The following SND1 variants were observed in gnomAD, a reference collection of about 807,000 sequenced individuals.
SND1 encodes staphylococcal nuclease and tudor domain containing 1.
A neutral mutation model predicts 121.7 loss-of-function variants in SND1; 38 were observed. The observed-to-expected ratio is 0.31, with a 90% CI of 0.24 to 0.41. SND1 has a LOEUF of 0.41. Ranked by LOEUF, SND1 falls within the 10% of genes least tolerant of loss-of-function variation. The probability of loss-of-function intolerance (pLI) is 1.00; values close to 1 mark genes in which losing one functional copy is unlikely to be tolerated. For synonymous variants in SND1, 401 were observed against 447.4 expected, an observed-to-expected ratio of 0.90 and a Z score of 1.31; for missense variants, 868 against 1,184.6, an observed-to-expected ratio of 0.73 and a Z score of 3.92.
chr7:127,775,971 T>C (rs936843290), intron 10 of SND1, among the ~76,000 whole-genome samples: 2 of 152,224 alleles, frequency 1.3e-5, no homozygotes, highest in Non-Finnish European at 2.9e-5. Context: ...AGCAAGACTC[T>C]ACCCAGATCT....
chr7:127,865,199 T>C (rs1000371843), intron 12 of SND1, among the ~76,000 whole-genome samples: 1 of 152,174 alleles, frequency 6.6e-6, no homozygotes, highest in Admixed American at 6.5e-5. Flanking sequence ...CATCTACACA[T>C]ATGGTGGGTT....
At chr7:127,761,996 C>T (rs1184508272) in intron 10 of SND1, among the ~76,000 whole-genome samples, 1 of 152,130 alleles carries the variant, frequency 6.6e-6, no homozygotes, top group African/African-American at 2.4e-5. Flanking sequence ...ACCCGAGGCT[C>T]TCATTTATAA....
chr7:127,926,203 T>C (rs1800828999), intron 14 of SND1, among the ~76,000 whole-genome samples: 1 of 152,068 alleles, frequency 6.6e-6, no homozygotes, highest in Admixed American at 6.6e-5. Context: ...ATTTCAAGAA[T>C]GTTTGAAAAG....
intron 11 of SND1, among the ~76,000 whole-genome samples, chr7:127,827,066 C>T (rs1584601942): frequency 6.6e-6 from 1 of 152,178 alleles, no homozygotes; most frequent in Non-Finnish European, 1.5e-5. Context: ...TTCCTATCCT[C>T]GCACTTCAGA....
chr7:127,703,235 T>A lies in SND1; in HGVS notation c.752T>A (p.Phe251Tyr), dbSNP rs373234812. ...PEPFAAEAKF[F>Y]TESRLLQRDV... ...CCTTTTGCTGCAGAAGCCAAATTTTTCACTGAGTCGCGACTGCTTCAGAGA... is the reference window on the plus strand; with the variant it reads ...CCTTTTGCTGCAGAAGCCAAATTTTACACTGAGTCGCGACTGCTTCAGAGA... Residue 251 changes from phenylalanine (F) to tyrosine (Y), a missense_variant, in exon 7 of 24, where the codon TTC becomes TAC. By Grantham distance (22) the Phe-to-Tyr change is conservative. Around this residue, in one of 2 missense-constraint regions of SND1, gnomAD observed 743 missense variants for 1,071.3 expected, o/e 0.69. Coordinates refer to ENST00000354725, the MANE Select transcript of SND1 (RefSeq NM_014390.4). 5.0e-6 allele frequency: 8 copies of A among 1,614,058 alleles called. No individual in the cohort carries two copies. In the African/African-American group the frequency reaches 9.3e-5, roughly 19 times the overall value.
chr7:127,767,212 C>T (rs1797438305), intron 10 of SND1, among the ~76,000 whole-genome samples: 1 of 152,204 alleles, frequency 6.6e-6, no homozygotes, highest in African/African-American at 2.4e-5. Context: ...CTCCTCTTCT[C>T]AGTATCCCTT....
chr7:128,062,398 C>A (rs1025156258), intron 16 of SND1, among the ~76,000 whole-genome samples: 2 of 152,144 alleles, frequency 1.3e-5, no homozygotes, highest in African/African-American at 4.8e-5. Flanking sequence ...GGCGTGAGGA[C>A]AAAAGGAAAG....
chr7:127,959,182 C>A (rs1801670653), intron 15 of SND1, among the ~76,000 whole-genome samples: 1 of 152,234 alleles, frequency 6.6e-6, no homozygotes, highest in African/African-American at 2.4e-5. Flanking sequence ...TGCTCTATGT[C>A]TTTACTCTGT....
intron 14 of SND1, among the ~76,000 whole-genome samples, chr7:127,919,747 G>A (rs1376400612): frequency 6.6e-6 from 1 of 152,104 alleles, no homozygotes; most frequent in Non-Finnish European, 1.5e-5. Flanking sequence ...TCTTAGAAAA[G>A]TAACTCTAGA....
chr7:127,936,344 A>G (rs1801062582), intron 15 of SND1, among the ~76,000 whole-genome samples: 2 of 152,060 alleles, frequency 1.3e-5, no homozygotes, highest in Non-Finnish European at 2.9e-5. Context: ...GTTAAAAAGC[A>G]TCCTTTTTCC....
intron 1 of SND1, among the ~76,000 whole-genome samples, chr7:127,654,253 C>T (rs1279341476): frequency 9.2e-5 from 14 of 152,214 alleles, no homozygotes. Context: ...ATTGTCATGT[C>T]TTGTGCTGAC....
rs116220662 is a variant in SND1, at chr7:127,792,566, C to T, written c.1153-14918C>T. Among the ~76,000 whole-genome samples the T allele has an allele frequency of 5.1e-3, 776 of 152,302 alleles. 15 individuals carry two copies. The highest frequency in any genetic ancestry group is 0.018 in the African/African-American group (743 of 41,558). ...ATAACTACATGATGCAGCTCCTACC[C>T]TCTAAGGTTGGGGGAATAAGAAAAG... On this transcript the variant is annotated intron_variant, in intron 10 of 23. Coordinates refer to ENST00000354725, the MANE Select transcript of SND1 (RefSeq NM_014390.4).
At chr7:127,922,189 T>TTGTTTTTTTTTTTTTTTTTTG (rs1563058961) in intron 14 of SND1, among the ~76,000 whole-genome samples, 1 of 95,460 alleles carries the variant, frequency 1.0e-5, no homozygotes, top group African/African-American at 3.8e-5. Context: ...TTTTTTTTTT[T>TTGTTTTTTTTTTTTTTTTTTG]TTTTTTTTTT....
At chr7:128,087,092 C>T (rs1342774019) in intron 21 of SND1, 41 bp downstream of exon 21, 2 of 1,499,466 alleles carry the variant, frequency 1.3e-6, no homozygotes, top group East Asian at 2.3e-5. Context: ...GGACTATCCA[C>T]TGACACTTAG....
At chr7:127,889,024 G>T (rs900255028) in intron 13 of SND1, among the ~76,000 whole-genome samples, 22 of 152,096 alleles carry the variant, frequency 1.4e-4, no homozygotes, top group Admixed American at 1.4e-3. Flanking sequence ...GATGGATAGA[G>T]CATCTGTAGA....
intron 11 of SND1, among the ~76,000 whole-genome samples, chr7:127,843,395 G>T (rs1487929174): frequency 7.2e-5 from 11 of 152,058 alleles, no homozygotes; most frequent in Non-Finnish European, 2.9e-5. Flanking sequence ...ATAACTCCTG[G>T]CAAAATTCCT....
chr7:127,858,086 G>A, intron 12 of SND1: 1 of 992,250 alleles, frequency 1.0e-6, no homozygotes, highest in Non-Finnish European at 1.6e-6. Flanking sequence ...GTAGGGGTTG[G>A]GGTCTCCAGT....
chr7:127,826,925 T>C (rs1476527477), intron 11 of SND1, among the ~76,000 whole-genome samples: 1 of 152,320 alleles, frequency 6.6e-6, no homozygotes, highest in East Asian at 1.9e-4. Flanking sequence ...TCATTTCTTT[T>C]AAAGGGTAGC....
chr7:127,786,884 C>T (rs1031348741), intron 10 of SND1, among the ~76,000 whole-genome samples: 9 of 152,172 alleles, frequency 5.9e-5, no homozygotes, highest in Non-Finnish European at 1.2e-4. Context: ...CCTCGTGATC[C>T]GCCCATCTCG....
Sources: allele counts gnomAD v4.1 joint callset (sites outside exome capture counted in the v4.1 genomes callset), GRCh38; gene constraint gnomAD v4.1.1; regional missense constraint gnomAD v4.1.1; transcripts MANE v1.5; gene names NCBI Gene and HGNC (gene_info 2026-07-23, HGNC 2026-07-21).